ARHGAP26: variants seen among roughly 807,000 people sequenced by gnomAD.
ARHGAP26 encodes the protein rho GTPase-activating protein 26.
Under a neutral mutation model 104.8 loss-of-function variants are expected in ARHGAP26, and 38 were observed. That is an observed-to-expected ratio of 0.36 (90% CI 0.28 to 0.48). The LOEUF (loss-of-function observed/expected upper bound fraction) is 0.48. Ranked by LOEUF, ARHGAP26 falls within the 20% of genes least tolerant of loss-of-function variation. ARHGAP26 has a pLI of 0.99. For synonymous variants in ARHGAP26, 341 were observed against 340.0 expected, an observed-to-expected ratio of 1.00 and a Z score of -0.03; for missense variants, 704 against 947.9, an observed-to-expected ratio of 0.74 and a Z score of 3.38.
chr5:143,208,154 G>C (rs190754556), intron 21 of ARHGAP26, among the ~76,000 whole-genome samples: 2 of 151,836 alleles, frequency 1.3e-5, no homozygotes, highest in East Asian at 3.9e-4. Context: ...TGTGACTTCC[G>C]CACTTAAGTT....
rs139991663 is a variant in ARHGAP26 at position 143,147,410 on chromosome 5, A to G, written c.1988+29A>G. On this transcript the variant is annotated intron_variant, in intron 20 of 22. Transcript: ENST00000645722. ...AGTATGATGTCCAGCTGCCTACCCCACAAGGGCTTTGGTCAGCCATTCCAC... is the reference window on the plus strand; with the variant it reads ...AGTATGATGTCCAGCTGCCTACCCCGCAAGGGCTTTGGTCAGCCATTCCAC... 522 of 1,601,204 alleles carry G rather than the reference A, an allele frequency of 3.3e-4. 3 individuals carry two copies. In the African/African-American group the frequency reaches 6.1e-3, roughly 19 times the overall value.
At chr5:143,155,614 G>C (rs931601900) in intron 20 of ARHGAP26, among the ~76,000 whole-genome samples, 4 of 152,168 alleles carry the variant, frequency 2.6e-5, no homozygotes, top group African/African-American at 9.7e-5. Flanking sequence ...GTGGCACTTG[G>C]ATCTCTACAG....
chr5:142,787,790 A>G (rs767120171), intron 1 of ARHGAP26, among the ~76,000 whole-genome samples: 10 of 152,190 alleles, frequency 6.6e-5, no homozygotes, highest in Non-Finnish European at 1.3e-4. Flanking sequence ...TGCCTATAGT[A>G]CTGATTAGAG....
intron 10 of ARHGAP26, among the ~76,000 whole-genome samples, chr5:142,916,661 G>A (rs1041656885): frequency 2.0e-5 from 3 of 152,196 alleles, no homozygotes; most frequent in African/African-American, 7.2e-5. Context: ...CTAAGGAGCT[G>A]AATGCTTACC....
intron 11 of ARHGAP26, among the ~76,000 whole-genome samples, chr5:142,983,738 A>G (rs1774286680): frequency 6.6e-6 from 1 of 152,212 alleles, no homozygotes; most frequent in South Asian, 2.1e-4. Flanking sequence ...CTCATCTTAG[A>G]AAACAGTGGT....
intron 1 of ARHGAP26, among the ~76,000 whole-genome samples, chr5:142,833,370 C>T (rs1174592356): frequency 6.6e-6 from 1 of 151,854 alleles, no homozygotes; most frequent in Non-Finnish European, 1.5e-5. Flanking sequence ...CCTTTTATTC[C>T]TTTTTTAAAA....
intron 19 of ARHGAP26, among the ~76,000 whole-genome samples, chr5:143,141,262 C>G (rs1798496445): frequency 6.6e-6 from 1 of 152,206 alleles, no homozygotes; most frequent in Non-Finnish European, 1.5e-5. Flanking sequence ...TAAATGAAAA[C>G]AAGCCATTCT....
intron 12 of ARHGAP26, among the ~76,000 whole-genome samples, chr5:143,028,049 T>A (rs922715027): frequency 3.3e-5 from 5 of 152,176 alleles, no homozygotes; most frequent in African/African-American, 1.2e-4. Context: ...TAGAAGAGGA[T>A]GAGCCCAAGA....
intron 1 of ARHGAP26, among the ~76,000 whole-genome samples, chr5:142,804,111 T>C (rs1762544557): frequency 6.6e-6 from 1 of 152,250 alleles, no homozygotes. Context: ...TAAAAGTTCC[T>C]GTTCTGTCTC....
intron 1 of ARHGAP26, among the ~76,000 whole-genome samples, chr5:142,826,607 G>A (rs569385868): frequency 6.6e-6 from 1 of 152,322 alleles, no homozygotes; most frequent in Admixed American, 6.5e-5. Context: ...CAGGTGACTT[G>A]TCGCCACACC....
chr5:142,900,477 A>G (rs77519018), intron 6 of ARHGAP26, among the ~76,000 whole-genome samples: 2,217 of 152,228 alleles, frequency 0.015, 55 homozygotes, highest in African/African-American at 0.051. Context: ...CCATATTGTC[A>G]TAATCTGGGT....
chr5:142,848,566 A>G (rs1561945164), intron 1 of ARHGAP26, among the ~76,000 whole-genome samples: 2 of 152,180 alleles, frequency 1.3e-5, no homozygotes, highest in African/African-American at 4.8e-5. Flanking sequence ...CATATGTGTT[A>G]GAGTAAGGCT....
At chr5:142,791,870 A>T (rs1363418575) in intron 1 of ARHGAP26, among the ~76,000 whole-genome samples, 1 of 149,988 alleles carries the variant, frequency 6.7e-6, no homozygotes, top group African/African-American at 2.5e-5. Context: ...AGGCTGAGGG[A>T]CGAGAATCGC....
chr5:143,207,880 G>C (rs1359888659), intron 21 of ARHGAP26, among the ~76,000 whole-genome samples: 1 of 152,266 alleles, frequency 6.6e-6, no homozygotes, highest in Non-Finnish European at 1.5e-5. Flanking sequence ...CTGACACCCA[G>C]TCACTTAGAC....
At chr5:143,090,458 C>CGGTT (rs551360119) in intron 17 of ARHGAP26, among the ~76,000 whole-genome samples, 136 of 151,974 alleles carry the variant, frequency 8.9e-4, no homozygotes, top group African/African-American at 3.2e-3. Flanking sequence ...CTATCTCAGT[C>CGGTT]GTGTCATTAG....
intron 1 of ARHGAP26, among the ~76,000 whole-genome samples, chr5:142,836,193 G>A (rs1231639919): frequency 1.3e-5 from 2 of 152,162 alleles, no homozygotes; most frequent in Non-Finnish European, 2.9e-5. Context: ...CTCTGAACTG[G>A]TGATGCCAAG....
At chr5:143,122,736 C>T (rs1412063990) in intron 18 of ARHGAP26, among the ~76,000 whole-genome samples, 1 of 152,200 alleles carries the variant, frequency 6.6e-6, no homozygotes, top group East Asian at 1.9e-4. Context: ...TCAGTGCTGA[C>T]TAAAACTGGC....
intron 11 of ARHGAP26, among the ~76,000 whole-genome samples, chr5:143,003,593 A>G (rs1426521123): frequency 6.6e-6 from 1 of 152,214 alleles, no homozygotes; most frequent in South Asian, 2.1e-4. Flanking sequence ...TTTATTTGGA[A>G]GTATTAAATT....
intron 19 of ARHGAP26, among the ~76,000 whole-genome samples, chr5:143,144,210 G>A (rs2150964956): frequency 6.6e-6 from 1 of 152,232 alleles, no homozygotes; most frequent in African/African-American, 2.4e-5. Flanking sequence ...ACCAGAGCTG[G>A]ATTGAATCAT....
Sources: allele counts gnomAD v4.1 joint callset (sites outside exome capture counted in the v4.1 genomes callset), GRCh38; gene constraint gnomAD v4.1.1; transcripts MANE v1.5; gene names NCBI Gene and HGNC (gene_info 2026-07-23, HGNC 2026-07-21).